Variants in LRPPRC observed in about 807,000 individuals in gnomAD.
LRPPRC encodes leucine rich pentatricopeptide repeat containing.
Under a neutral mutation model 180.3 loss-of-function variants are expected in LRPPRC, and 120 were observed. That is an observed-to-expected ratio of 0.67 (90% confidence interval 0.57 to 0.77). The LOEUF (loss-of-function observed/expected upper bound fraction) is 0.77. LRPPRC is among the 30% of genes least tolerant of loss of function. The pLI, the probability that LRPPRC is intolerant of heterozygous loss-of-function variation, is 0.00. For missense variants in LRPPRC, 2,012 were observed against 1,657.2 expected, an observed-to-expected ratio of 1.21 and a Z score of -3.72; for synonymous variants, 723 against 600.0, an observed-to-expected ratio of 1.21 and a Z score of -3.00.
chr2:43,969,792 C>T (rs975991976), intron 11 of LRPPRC, among the ~76,000 whole-genome samples: 13 of 152,040 alleles, frequency 8.6e-5, no homozygotes, highest in Non-Finnish European at 1.6e-4. Flanking sequence ...TAGCAATCCT[C>T]CCACCCCAGC....
Position 43,977,205 on chromosome 2 carries a change from G to C in LRPPRC, c.541C>G (p.Pro181Ala). Residue 181 changes from proline to alanine, a missense_variant, in exon 4 of 38, where the codon CCA (proline) becomes GCA (alanine). By Grantham distance (27) the Pro-to-Ala change is conservative. Coordinates refer to ENST00000260665, the MANE Select transcript of LRPPRC (RefSeq NM_133259.4). ...TCCATTTTTGCCAGGAAATCAGTTGGTGAGAATTTATATTCATTTTGAAGA... is the reference window on the plus strand; with the variant it reads ...TCCATTTTTGCCAGGAAATCAGTTGCTGAGAATTTATATTCATTTTGAAGA... The part of the protein sequence containing the change: ...VYLQNEYKFS[P>A]TDFLAKMEEA... The C allele has an allele frequency of 6.2e-7, 1 of 1,606,152 alleles. No individual in the cohort carries two copies.
intron 23 of LRPPRC, among the ~76,000 whole-genome samples, chr2:43,935,297 A>G (rs1672236873): frequency 6.6e-6 from 1 of 152,246 alleles, no homozygotes; most frequent in South Asian, 2.1e-4. Context: ...TTGTATCTCA[A>G]TAATTTCAGA....
chr2:43,935,869 T>C (rs956848231), intron 23 of LRPPRC, among the ~76,000 whole-genome samples: 1 of 152,208 alleles, frequency 6.6e-6, no homozygotes, highest in African/African-American at 2.4e-5. Flanking sequence ...TCCCAGCACT[T>C]TGGGAGGCCA....
chr2:43,966,247 T>TAA (rs60292399), intron 11 of LRPPRC, among the ~76,000 whole-genome samples: 2 of 141,298 alleles, frequency 1.4e-5, no homozygotes, highest in Non-Finnish European at 3.1e-5. Flanking sequence ...TGGAATCTAC[T>TAA]AAAAAAAAAA....
chr2:43,995,883 A>G lies in LRPPRC; in HGVS notation c.65T>C (p.Leu22Pro), dbSNP rs1276832513. 2.0e-6 allele frequency: 3 copies of G among 1,507,174 alleles called. No individual in the cohort carries two copies. The highest frequency in any genetic ancestry group is 1.4e-5 in the African/African-American group (1 of 69,378). 93.4% of individuals were successfully genotyped at this position (1,507,174 alleles called of 1,614,324 possible). A position where few individuals can be genotyped will look rare whatever the true frequency, so the allele number is the denominator to read the frequency against. ...GCCGCCAGGGAGGAGGCGCAGGGAGAGCGGGAGGCGCGGGGCCGCCCCGGC... is the reference window on the plus strand; with the variant it reads ...GCCGCCAGGGAGGAGGCGCAGGGAGGGCGGGAGGCGCGGGGCCGCCCCGGC... ...LRAGAAPRLP[L>P]SLRLLPGGPG... is the part of the protein sequence containing the mutation. Residue 22 changes from leucine (L) to proline (P), a missense_variant, in exon 1 of 38, where the codon CTC becomes CCC. By Grantham distance (98) the Leu-to-Pro change is moderately conservative. Coordinates refer to ENST00000260665, the MANE Select transcript of LRPPRC (RefSeq NM_133259.4).
In LRPPRC at chr2:43,961,885, G is replaced by A. The variant is rs772187080; in HGVS notation, c.1489-1251C>T. Among the ~76,000 whole-genome samples the A allele has an allele frequency of 3.9e-5, 6 of 152,142 alleles. No homozygotes were observed. The East Asian group carries it at 5.8e-4, about 15-fold the overall frequency. ...CTGAGGCAGAAGAATCGCTTGAACC[G>A]GTAGGCAGAGGAGGTTGCAATGAGA... On this transcript the variant is annotated intron_variant, in intron 12 of 37. Transcript: ENST00000260665.
intron 1 of LRPPRC, among the ~76,000 whole-genome samples, chr2:43,984,940 A>C (rs1484555702): frequency 6.6e-6 from 1 of 152,060 alleles, no homozygotes; most frequent in Non-Finnish European, 1.5e-5. Flanking sequence ...ATTACCCATA[A>C]ATGTTTTCTT....
Position 43,976,166 on chromosome 2 carries a change from A to G in LRPPRC, c.714T>C (p.Leu238=). 2 of 1,609,726 alleles carry G rather than the reference A, an allele frequency of 1.2e-6. No homozygotes were observed. The highest frequency in any genetic ancestry group is 1.7e-6 in the Non-Finnish European group (2 of 1,175,970). The part of the protein sequence containing the change: ...LPVTEAVFSA[L]VTGHARAGDM... The stretch of plus-strand genomic sequence containing the variant: ...ACCCAGCTCTGGCATGCCCTGTCAC[A>G]AGGGCACTGAATACTGCCTCTGTAA... Residue 238 remains leucine (L), a synonymous_variant, in exon 6 of 38, where the codon CTT becomes CTC. Transcript: ENST00000260665.
intron 11 of LRPPRC, 103 bp downstream of exon 11, chr2:43,973,504 T>G (rs1327566634): frequency 3.8e-6 from 3 of 784,260 alleles, no homozygotes; most frequent in Admixed American, 1.9e-5. Flanking sequence ...CTCATAATAC[T>G]CAGGAATAAG....
intron 14 of LRPPRC, among the ~76,000 whole-genome samples, chr2:43,953,462 A>G (rs1047611811): frequency 2.6e-5 from 4 of 152,234 alleles, no homozygotes; most frequent in Admixed American, 6.5e-5. Flanking sequence ...CAGATTTGCA[A>G]CTGTGCAAAC....
At chr2:43,891,847 C>A (rs1044621651) in intron 36 of LRPPRC, among the ~76,000 whole-genome samples, 26 of 152,200 alleles carry the variant, frequency 1.7e-4, no homozygotes, top group Non-Finnish European at 3.7e-4. Flanking sequence ...AGGCTTCTTG[C>A]GTGGAACAGC....
In LRPPRC at chr2:43,901,366, A is replaced by C. The variant is rs750234005; in HGVS notation, c.3523T>G (p.Ser1175Ala). 2.5e-6 allele frequency: 4 copies of C among 1,614,088 alleles called. No homozygotes were observed. In the Admixed American group the frequency reaches 5.0e-5, roughly 20 times the overall value. The part of the protein sequence containing the change: ...LNGLEDSIGL[S>A]KMVFINNIAL... ...ATGTTATTGATGAAAACCATTTTTG[A>C]AAGTCCAATGGAGTCTTCGAGTCCA... Residue 1175 changes from serine (S) to alanine (A), a missense_variant, in exon 32 of 38, where the codon TCA becomes GCA. Physicochemically the swap from Ser to Ala is moderately conservative, Grantham distance 99 (BLOSUM62 1). Coordinates refer to ENST00000260665, the MANE Select transcript of LRPPRC (RefSeq NM_133259.4).
At chr2:43,986,579 G>C (rs903455054) in intron 1 of LRPPRC, among the ~76,000 whole-genome samples, 1 of 152,146 alleles carries the variant, frequency 6.6e-6, no homozygotes, top group Non-Finnish European at 1.5e-5. Context: ...ATGTTTATCA[G>C]GTGTTTAATT....
intron 3 of LRPPRC, among the ~76,000 whole-genome samples, chr2:43,979,206 T>A (rs528380374): frequency 1.3e-5 from 2 of 152,126 alleles, no homozygotes; most frequent in Non-Finnish European, 2.9e-5. Flanking sequence ...GTGTTCATCA[T>A]CCTTCTAGAA....
chr2:43,947,117 A>G, intron 20 of LRPPRC, 140 bp downstream of exon 20: 1 of 567,858 alleles, frequency 1.8e-6, no homozygotes, highest in Non-Finnish European at 3.1e-6. Flanking sequence ...AAATTAGTTA[A>G]CCTTTCATTT....
Position 43,946,120 on chromosome 2 carries a change from C to A in LRPPRC, c.2203G>T (p.Glu735Ter), listed in dbSNP as rs763497639. The change falls in exon 21 of 38, where the codon GAA becomes TAA. Residue 735 changes from glutamate to a stop codon, truncating the protein, a stop_gained. Transcript: ENST00000260665. LOFTEE classifies it high-confidence loss of function. ...DKVEDALNLK[E>*]EFDRLDSSAV... ...CAGTGCCAGGGTACTCACAATTCTT[C>A]TTTCAAGTTCAAGGCATCTTCTACT... The A allele has an allele frequency of 6.2e-7, 1 of 1,612,510 alleles. No homozygotes were observed. Among genetic ancestry groups the A allele is most frequent in the African/African-American group, 1.3e-5 (1 of 74,866 alleles).
At chr2:43,953,779 T>A (rs760290153) in intron 14 of LRPPRC, among the ~76,000 whole-genome samples, 1 of 152,232 alleles carries the variant, frequency 6.6e-6, no homozygotes, top group African/African-American at 2.4e-5. Flanking sequence ...ATAGTATACA[T>A]AATCCAATCA....
chr2:43,916,251 G>A (rs1374893202), intron 29 of LRPPRC, among the ~76,000 whole-genome samples: 1 of 152,100 alleles, frequency 6.6e-6, no homozygotes, highest in Non-Finnish European at 1.5e-5. Context: ...TCTATGGAAA[G>A]CTAGAATGAA....
At position 43,912,554 on chromosome 2, in the gene LRPPRC, T is replaced by G; in HGVS notation, c.3153A>C (p.Ala1051=). The G allele has an allele frequency of 6.2e-7, 1 of 1,609,118 alleles. No homozygotes were observed. ...CTTTTGCATTCAGGAAAATATCATA[T>G]GCCCCTATGAGAGAAAACAGACAAA... The part of the protein sequence containing the change: ...IACRLNQKKG[A]YDIFLNAKEQ... Residue 1051 remains alanine, a synonymous_variant, in exon 30 of 38, where the codon GCA becomes GCC. Transcript: ENST00000260665.
Sources: gnomAD v4.1 joint callset for allele counts (sites outside exome capture counted in the v4.1 genomes callset) on GRCh38, gnomAD v4.1.1 for gene constraint, MANE v1.5 for transcripts, NCBI Gene and HGNC (gene_info 2026-07-23, HGNC 2026-07-21) for gene names.